The following BRD10 variants were observed in gnomAD, a reference collection of about 807,000 sequenced individuals.
BRD10 encodes bromodomain containing 10.
chr9:5,953,407 TAAAA>T, the BRD10 span, among the ~76,000 whole-genome samples: 3 of 152,108 alleles, frequency 2.0e-5, no homozygotes, highest in African/African-American at 7.2e-5. Context: ...TAGCTACAAA[TAAAA>T]AACTCTTCAC....
the BRD10 span, chr9:6,007,940 G>C: frequency 7.5e-7 from 1 of 1,330,154 alleles, no homozygotes; most frequent in Non-Finnish European, 9.6e-7. Context: ...GGCTCGGTGC[G>C]CGCGGGGGTC....
chr9:5,914,073 A>T, the BRD10 span: 1 of 450,946 alleles, frequency 2.2e-6, no homozygotes, highest in Non-Finnish European at 4.4e-6. Context: ...CTGAAATAAG[A>T]AAAGAAAATG....
the BRD10 span, among the ~76,000 whole-genome samples, chr9:5,944,394 A>C: frequency 7.9e-5 from 12 of 152,084 alleles, no homozygotes; most frequent in Non-Finnish European, 1.3e-4. Flanking sequence ...GTTAAAAAAA[A>C]ACTTTCAGCA....
the BRD10 span, among the ~76,000 whole-genome samples, chr9:5,887,167 G>A: frequency 1.3e-5 from 2 of 152,162 alleles, no homozygotes; most frequent in Non-Finnish European, 2.9e-5. Context: ...GCTGAGGCAG[G>A]AGAATCGCTT....
At chr9:5,998,311 G>A in the BRD10 span, among the ~76,000 whole-genome samples, 17 of 151,932 alleles carry the variant, frequency 1.1e-4, no homozygotes, top group Non-Finnish European at 1.9e-4. Flanking sequence ...AAACTATTAC[G>A]AATATAAACA....
At chr9:5,902,184 T>C in the BRD10 span, among the ~76,000 whole-genome samples, 3 of 152,334 alleles carry the variant, frequency 2.0e-5, no homozygotes, top group East Asian at 5.8e-4. Flanking sequence ...ATTTTTATAA[T>C]AGATATAAAT....
At chr9:5,918,642 C>CTTTT in the BRD10 span, among the ~76,000 whole-genome samples, 2 of 134,024 alleles carry the variant, frequency 1.5e-5, no homozygotes, top group Non-Finnish European at 3.1e-5. Context: ...CCGTTAGTGG[C>CTTTT]TTTTTTTTTT....
chr9:5,994,060 C>T, the BRD10 span, among the ~76,000 whole-genome samples: 1 of 152,126 alleles, frequency 6.6e-6, no homozygotes, highest in Non-Finnish European at 1.5e-5. Flanking sequence ...TCAAAATAAA[C>T]CTAACTTAAA....
chr9:5,934,355 T>C, the BRD10 span, among the ~76,000 whole-genome samples: 6 of 139,014 alleles, frequency 4.3e-5, no homozygotes, highest in African/African-American at 1.6e-4. Flanking sequence ...ATATTACGCT[T>C]TTCTTTTTTT....
the BRD10 span, among the ~76,000 whole-genome samples, chr9:6,005,181 G>A: frequency 6.6e-6 from 1 of 152,206 alleles, no homozygotes; most frequent in South Asian, 2.1e-4. Flanking sequence ...TTACCTTTAT[G>A]TAGTTTCTTA....
At chr9:5,924,563 T>C in the BRD10 span, 4 of 642,740 alleles carry the variant, frequency 6.2e-6, no homozygotes, top group African/African-American at 3.6e-5. Context: ...CTAATCAATA[T>C]ATTTCATTGA....
the BRD10 span, among the ~76,000 whole-genome samples, chr9:5,916,012 G>C: frequency 6.6e-6 from 1 of 152,086 alleles, no homozygotes; most frequent in Non-Finnish European, 1.5e-5. Flanking sequence ...TTTCTCTCCA[G>C]GTTGTAAGAA....
At chr9:6,003,133 A>C in the BRD10 span, among the ~76,000 whole-genome samples, 1 of 152,214 alleles carries the variant, frequency 6.6e-6, no homozygotes. Context: ...GGAAATCAAG[A>C]ATAATTTTAA....
chr9:5,894,943 C>T, the BRD10 span, among the ~76,000 whole-genome samples: 1 of 152,204 alleles, frequency 6.6e-6, no homozygotes, highest in Non-Finnish European at 1.5e-5. The surrounding 1 kb of genome is among the most constrained non-coding windows in gnomAD (Gnocchi z 4.0). Flanking sequence ...AACCCCTTGA[C>T]TGAAGGCACA....
the BRD10 span, chr9:5,969,191 G>C: frequency 2.5e-6 from 4 of 1,613,800 alleles, no homozygotes; most frequent in South Asian, 4.4e-5. Context: ...ACTTAATAGA[G>C]AAGTCATTAT....
At chr9:5,883,558 T>A in the BRD10 span, among the ~76,000 whole-genome samples, 1 of 151,242 alleles carries the variant, frequency 6.6e-6, no homozygotes, top group South Asian at 2.1e-4. Flanking sequence ...CTCATTCTTG[T>A]GGGCTCAGGT....
the BRD10 span, among the ~76,000 whole-genome samples, chr9:5,970,913 A>G: frequency 6.6e-6 from 1 of 151,948 alleles, no homozygotes; most frequent in South Asian, 2.1e-4. Flanking sequence ...TTAGCTGGGC[A>G]TGGTGGCACA....
chr9:5,892,568 A>C, the BRD10 span: 1 of 1,609,184 alleles, frequency 6.2e-7, no homozygotes, highest in African/African-American at 1.3e-5. Context: ...TCAAAACCAG[A>C]CCCAGCAGGG....
chr9:5,934,085 AG>A, the BRD10 span, among the ~76,000 whole-genome samples: 5 of 152,088 alleles, frequency 3.3e-5, no homozygotes, highest in Admixed American at 1.3e-4. Flanking sequence ...AGTCATATGA[AG>A]AAAAAATTAA....
Sources: gnomAD v4.1 joint callset for allele counts (sites outside exome capture counted in the v4.1 genomes callset) on GRCh38, gnomAD v4.1.1 for gene constraint, Gnocchi (gnomAD v3.1) non-coding constraint, MANE v1.5 for transcripts, NCBI Gene and HGNC (gene_info 2026-07-23, HGNC 2026-07-21) for gene names.